FOXN2: variants seen among roughly 807,000 people sequenced by gnomAD.
FOXN2 encodes the protein forkhead box N2.
In FOXN2, 19 loss-of-function variants were observed where a neutral mutation model predicts 41.2. The observed-to-expected ratio is 0.46, with a 90% CI of 0.32 to 0.68. FOXN2 has a LOEUF of 0.68. Ranked by LOEUF, FOXN2 falls within the 30% of genes least tolerant of loss-of-function variation. The pLI, the probability that FOXN2 is intolerant of heterozygous loss-of-function variation, is 0.03. For missense variants in FOXN2, 587 were observed against 509.4 expected, an observed-to-expected ratio of 1.15 and a Z score of -1.47; for synonymous variants, 195 against 176.8, an observed-to-expected ratio of 1.10 and a Z score of -0.82.
chr2:48,315,559 C>G (rs891152156), intron 1 of FOXN2, among the ~76,000 whole-genome samples: 1 of 152,202 alleles, frequency 6.6e-6, no homozygotes, highest in Non-Finnish European at 1.5e-5. Context: ...CCTTTTAGTC[C>G]TCTTTCCTGG....
At chr2:48,326,587 T>G (rs1303094141) in intron 1 of FOXN2, among the ~76,000 whole-genome samples, 11 of 152,212 alleles carry the variant, frequency 7.2e-5, no homozygotes, top group Non-Finnish European at 1.6e-4. Context: ...GGGTTTCCAT[T>G]CATGTATACT....
intron 2 of FOXN2, among the ~76,000 whole-genome samples, chr2:48,334,523 G>C (rs544752255): frequency 2.0e-4 from 31 of 152,312 alleles, no homozygotes; most frequent in Non-Finnish European, 3.8e-4. Context: ...CCTGGATCAA[G>C]GTACCAAGTA....
intron 1 of FOXN2, among the ~76,000 whole-genome samples, chr2:48,323,310 C>T (rs1669457461): frequency 2.6e-5 from 4 of 152,138 alleles, no homozygotes; most frequent in South Asian, 2.1e-4. Context: ...TGAGGAAACT[C>T]GATACCGTTT....
intron 3 of FOXN2, among the ~76,000 whole-genome samples, chr2:48,350,078 T>G (rs886611715): frequency 6.6e-6 from 1 of 152,208 alleles, no homozygotes; most frequent in Non-Finnish European, 1.5e-5. Flanking sequence ...TGAAGACAGA[T>G]GTACAGAATC....
At chr2:48,320,932 G>T (rs1376128101) in intron 1 of FOXN2, among the ~76,000 whole-genome samples, 1 of 152,034 alleles carries the variant, frequency 6.6e-6, no homozygotes, top group Non-Finnish European at 1.5e-5. Flanking sequence ...TCAGTCATTT[G>T]TCAGAGATTG....
intron 5 of FOXN2, among the ~76,000 whole-genome samples, chr2:48,372,283 C>T (rs1488280655): frequency 1.3e-5 from 2 of 152,072 alleles, no homozygotes; most frequent in Non-Finnish European, 2.9e-5. Flanking sequence ...GCATTTCCTA[C>T]CTTAAGAGAG....
At position 48,338,632 on chromosome 2, in the gene FOXN2, C is replaced by T. The variant is rs538299379; in HGVS notation, c.-14-7569C>T. Among the ~76,000 whole-genome samples, 9 of 152,150 alleles carry T rather than the reference C, an allele frequency of 5.9e-5. No individual in the cohort carries two copies. The East Asian group carries it at 1.6e-3, about 26-fold the overall frequency. ...GTCAGGATGGTCTCAATCTCCTGAC[C>T]TCATGATCCGCCCGCCTCTGCCTCC... On this transcript the variant is annotated intron_variant, in intron 2 of 6. Transcript: ENST00000340553.
intron 1 of FOXN2, among the ~76,000 whole-genome samples, chr2:48,317,762 C>CA (rs1409875743): frequency 6.6e-6 from 1 of 151,394 alleles, no homozygotes; most frequent in Non-Finnish European, 1.5e-5. Flanking sequence ...CCCCTGCCAC[C>CA]AAGCCTGGCT....
At chr2:48,337,812 A>C (rs561614414) in intron 2 of FOXN2, among the ~76,000 whole-genome samples, 1 of 152,244 alleles carries the variant, frequency 6.6e-6, no homozygotes, top group South Asian at 2.1e-4. Context: ...ATTAATAACC[A>C]TAGCCACAAA....
chr2:48,355,851 C>T (rs1671757727), intron 3 of FOXN2, among the ~76,000 whole-genome samples: 1 of 152,202 alleles, frequency 6.6e-6, no homozygotes, highest in South Asian at 2.1e-4. Context: ...TCTGAAAAGA[C>T]AGGTCTAACA....
At chr2:48,337,326 C>G (rs1246650066) in intron 2 of FOXN2, among the ~76,000 whole-genome samples, 2 of 146,222 alleles carry the variant, frequency 1.4e-5, no homozygotes, top group Non-Finnish European at 3.0e-5. Context: ...ACGGAGTTGT[C>G]TCCCTTTGTT....
intron 1 of FOXN2, among the ~76,000 whole-genome samples, chr2:48,317,998 A>T: frequency 6.6e-6 from 1 of 152,094 alleles, no homozygotes; most frequent in East Asian, 1.9e-4. Flanking sequence ...AAGAATGTTT[A>T]TTATTATTTG....
intron 3 of FOXN2, among the ~76,000 whole-genome samples, chr2:48,351,698 G>A (rs370650770): frequency 1.9e-4 from 29 of 152,186 alleles, no homozygotes; most frequent in African/African-American, 6.7e-4. Context: ...TGGGCTGATC[G>A]GACAGGAGGC....
rs1271217726 is a variant in FOXN2 at position 48,377,497 on chromosome 2, C to A, written c.*2054C>A. 1 of 152,018 alleles carries A rather than the reference C, an allele frequency of 6.6e-6. No individual in the cohort carries two copies. Among genetic ancestry groups the A allele is most frequent in the Non-Finnish European group, 1.5e-5 (1 of 67,902 alleles). The allele number at this position is 152,018 out of a possible 1,614,324, so 9.4% of individuals were successfully genotyped here. A position where few individuals can be genotyped will look rare whatever the true frequency, so the allele number is the denominator to read the frequency against. ...CTGGTTTTTGTCCATTAGATAATTACTCTTTATAAGGAAAGGAAAGAGAAG... is the reference window on the plus strand; with the variant it reads ...CTGGTTTTTGTCCATTAGATAATTAATCTTTATAAGGAAAGGAAAGAGAAG... On this transcript the variant is annotated 3_prime_UTR_variant, in exon 7 of 7. Transcript: ENST00000340553.
chr2:48,343,388 A>T (rs1670894088), intron 2 of FOXN2, among the ~76,000 whole-genome samples: 1 of 152,166 alleles, frequency 6.6e-6, no homozygotes, highest in African/African-American at 2.4e-5. Flanking sequence ...GTTCATTTCC[A>T]TCTGAAATAA....
chr2:48,322,823 T>C (rs1462898075), intron 1 of FOXN2, among the ~76,000 whole-genome samples: 1 of 149,484 alleles, frequency 6.7e-6, no homozygotes, highest in Non-Finnish European at 1.5e-5. Context: ...AAGTTTACTT[T>C]GAAATAGGAG....
chr2:48,336,579 G>A (rs1373793197), intron 2 of FOXN2, among the ~76,000 whole-genome samples: 1 of 150,300 alleles, frequency 6.7e-6, no homozygotes, highest in Non-Finnish European at 1.5e-5. Context: ...CACTAGTAGA[G>A]GATTAAAAAA....
rs1672001272 is a variant in FOXN2 at position 48,359,154 on chromosome 2, A to T, written c.638+7A>T. 4 of 1,599,730 alleles carry T rather than the reference A, an allele frequency of 2.5e-6. No individual in the cohort carries two copies. In the African/African-American group the frequency reaches 5.4e-5, roughly 21 times the overall value. ...CTTCAGCATCTTCACAAAAGTAAGG[A>T]TCTTCCATATAACTGTCAGTGGTGA... On this transcript the variant is annotated splice_region_variant and intron_variant, in intron 4 of 6. Coordinates refer to ENST00000340553, the MANE Select transcript of FOXN2 (RefSeq NM_002158.4).
At chr2:48,323,324 A>T (rs946427753) in intron 1 of FOXN2, among the ~76,000 whole-genome samples, 4 of 152,206 alleles carry the variant, frequency 2.6e-5, no homozygotes, top group African/African-American at 9.6e-5. Flanking sequence ...ACCGTTTTTC[A>T]TAATGGCTGT....
Sources: allele counts gnomAD v4.1 joint callset (sites outside exome capture counted in the v4.1 genomes callset), GRCh38; gene constraint gnomAD v4.1.1; transcripts MANE v1.5; gene names NCBI Gene and HGNC (gene_info 2026-07-23, HGNC 2026-07-21).